The following SDK1 variants were observed in gnomAD, a reference collection of about 807,000 sequenced individuals.
SDK1 encodes the protein protein sidekick-1.
Under a neutral mutation model 245.5 loss-of-function variants are expected in SDK1, and 157 were observed. That is an observed-to-expected ratio of 0.64 (90% CI 0.56 to 0.73). The LOEUF is 0.73. Ranked by LOEUF, SDK1 falls within the 30% of genes least tolerant of loss-of-function variation. SDK1 has a pLI of 0.00. For synonymous variants in SDK1, 1,647 were observed against 1,278.5 expected (o/e 1.29, Z -6.15); for missense variants, 3,583 against 3,002.3 (o/e 1.19, Z -4.52).
At chr7:3,412,669 G>A (rs73298397) in intron 1 of SDK1, among the ~76,000 whole-genome samples, 1 of 152,288 alleles carries the variant, frequency 6.6e-6, no homozygotes, top group African/African-American at 2.4e-5. Flanking sequence ...GGGCAGTTAC[G>A]ATTTTGAAAG....
intron 1 of SDK1, among the ~76,000 whole-genome samples, chr7:3,345,908 G>A (rs577947967): frequency 1.3e-5 from 2 of 152,138 alleles, no homozygotes; most frequent in African/African-American, 4.8e-5. Context: ...CGTTCAGTCT[G>A]TTGGAATTGC....
At chr7:3,727,429 A>C (rs1264662826) in intron 4 of SDK1, among the ~76,000 whole-genome samples, 1 of 152,100 alleles carries the variant, frequency 6.6e-6, no homozygotes, top group Non-Finnish European at 1.5e-5. Context: ...AAGCCCTCTG[A>C]ATTATTTTCT....
At chr7:3,339,713 G>T (rs1026147130) in intron 1 of SDK1, among the ~76,000 whole-genome samples, 1 of 151,990 alleles carries the variant, frequency 6.6e-6, no homozygotes, top group Non-Finnish European at 1.5e-5. Context: ...TAAATATGTG[G>T]GATGTAGCTT....
In SDK1 at chr7:4,220,164, G is replaced by C; in HGVS notation, c.5595G>C (p.Lys1865Asn). 1 of 1,614,106 alleles carries C rather than the reference G, an allele frequency of 6.2e-7. No individual in the cohort carries two copies. The highest frequency in any genetic ancestry group is 8.5e-7 in the Non-Finnish European group (1 of 1,180,012). The change falls in exon 39 of 45, where the codon AAG becomes AAC. Residue 1865 changes from lysine (K) to asparagine (N), a missense_variant. Physicochemically the swap from Lys to Asn is moderately conservative, Grantham distance 94. Coordinates refer to ENST00000404826, the MANE Select transcript of SDK1 (RefSeq NM_152744.4). The part of the protein sequence containing the change: ...EVRGNWQRWL[K>N]VRDLTKGVTY... Reference sequence around the variant, plus strand: ...GAGGGAACTGGCAGCGCTGGCTGAAGGTGCGGGACCTCACCAAGGGAGTGA... The same window carrying C: ...GAGGGAACTGGCAGCGCTGGCTGAACGTGCGGGACCTCACCAAGGGAGTGA...
chr7:4,171,025 T>A (rs1781808188), intron 32 of SDK1, among the ~76,000 whole-genome samples: 1 of 152,244 alleles, frequency 6.6e-6, no homozygotes, highest in Non-Finnish European at 1.5e-5. Context: ...TCCTTCCTTT[T>A]CTGCCAGCTT....
At chr7:3,743,734 C>G (rs373371157) in intron 4 of SDK1, among the ~76,000 whole-genome samples, 5 of 152,074 alleles carry the variant, frequency 3.3e-5, no homozygotes, top group African/African-American at 1.2e-4. Flanking sequence ...GTATATATCA[C>G]CACTGTGTGT....
intron 5 of SDK1, among the ~76,000 whole-genome samples, chr7:3,858,311 G>A (rs913863160): frequency 6.6e-6 from 1 of 152,062 alleles, no homozygotes; most frequent in Non-Finnish European, 1.5e-5. Flanking sequence ...CAGCTACTCA[G>A]GAGGCTAAGA....
intron 5 of SDK1, among the ~76,000 whole-genome samples, chr7:3,862,438 C>G (rs145750037): frequency 8.2e-4 from 125 of 152,310 alleles, no homozygotes; most frequent in African/African-American, 2.8e-3. Flanking sequence ...TTGACAATGT[C>G]TTCTTTTTGG....
intron 1 of SDK1, among the ~76,000 whole-genome samples, chr7:3,489,053 T>C (rs955297837): frequency 6.6e-6 from 1 of 152,144 alleles, no homozygotes; most frequent in Non-Finnish European, 1.5e-5. Context: ...GAGTGCAATG[T>C]TGATTCATGG....
At chr7:3,783,940 G>C (rs1324294033) in intron 4 of SDK1, among the ~76,000 whole-genome samples, 1 of 150,894 alleles carries the variant, frequency 6.6e-6, no homozygotes, top group Non-Finnish European at 1.5e-5. Flanking sequence ...CACACTACCT[G>C]GTTTCAAACT....
At chr7:3,898,054 G>C (rs1463883685) in intron 5 of SDK1, among the ~76,000 whole-genome samples, 1 of 152,164 alleles carries the variant, frequency 6.6e-6, no homozygotes, top group Non-Finnish European at 1.5e-5. Flanking sequence ...ACATGACTGA[G>C]GTGCTACGGT....
chr7:3,994,354 T>C (rs999204558), intron 14 of SDK1, among the ~76,000 whole-genome samples: 1 of 152,164 alleles, frequency 6.6e-6, no homozygotes, highest in Non-Finnish European at 1.5e-5. Context: ...TTAGAGATAA[T>C]GTCCAGGCTG....
At chr7:3,496,044 C>T (rs941017220) in intron 1 of SDK1, among the ~76,000 whole-genome samples, 1 of 152,162 alleles carries the variant, frequency 6.6e-6, no homozygotes, top group Non-Finnish European at 1.5e-5. Context: ...TTAAGTGATA[C>T]ACTTTTTCCC....
At chr7:3,916,177 T>G (rs1264163844) in intron 5 of SDK1, among the ~76,000 whole-genome samples, 1 of 152,124 alleles carries the variant, frequency 6.6e-6, no homozygotes, top group East Asian at 1.9e-4. Context: ...GAGGAGGCAA[T>G]GAGGCCAGTG....
intron 17 of SDK1, among the ~76,000 whole-genome samples, chr7:4,039,973 G>GC: frequency 6.6e-6 from 1 of 152,064 alleles, no homozygotes; most frequent in East Asian, 1.9e-4. Flanking sequence ...AATAAGAAGC[G>GC]CCCCCACATG....
intron 4 of SDK1, among the ~76,000 whole-genome samples, chr7:3,789,267 C>T (rs1208168445): frequency 6.6e-6 from 1 of 152,180 alleles, no homozygotes; most frequent in African/African-American, 2.4e-5. Flanking sequence ...CCTGCCTCAG[C>T]CTCCCAAGTA....
At chr7:3,967,535 C>CATT in intron 10 of SDK1, 101 bp downstream of exon 10, 1 of 756,044 alleles carries the variant, frequency 1.3e-6, no homozygotes. Flanking sequence ...TTCACTTATG[C>CATT]ATTCACTCAA....
At chr7:3,736,280 T>C (rs114254611) in intron 4 of SDK1, among the ~76,000 whole-genome samples, 1 of 152,190 alleles carries the variant, frequency 6.6e-6, no homozygotes, top group African/African-American at 2.4e-5. Flanking sequence ...AAAAACTTTA[T>C]AATGAGACAT....
At chr7:3,505,528 G>C (rs1161533313) in intron 1 of SDK1, among the ~76,000 whole-genome samples, 1 of 152,150 alleles carries the variant, frequency 6.6e-6, no homozygotes, top group Non-Finnish European at 1.5e-5. Flanking sequence ...TATGGTGATA[G>C]GCATGAGCCA....
Sources: gnomAD v4.1 joint callset for allele counts (sites outside exome capture counted in the v4.1 genomes callset) on GRCh38, gnomAD v4.1.1 for gene constraint, MANE v1.5 for transcripts, NCBI Gene and HGNC (gene_info 2026-07-23, HGNC 2026-07-21) for gene names.